The following APBA1 variants were observed in gnomAD, a reference collection of about 807,000 sequenced individuals.
APBA1 encodes amyloid beta precursor protein binding family A member 1, also known as amyloid-beta A4 precursor protein-binding family A member 1.
A neutral mutation model predicts 86.6 loss-of-function variants in APBA1; 55 were observed. The ratio of observed to expected loss-of-function variants is 0.64; its 90% CI spans 0.51 to 0.80. The LOEUF is 0.80. Among genes scored for constraint, APBA1 ranks in the 30% least tolerant of loss-of-function variants. The pLI is 0.00. For missense variants in APBA1, 1,090 were observed against 1,183.0 expected, an observed-to-expected ratio of 0.92 and a Z score of 1.15; for synonymous variants, 511 against 493.9, an observed-to-expected ratio of 1.03 and a Z score of -0.46.
chr9:69,594,558 T>C (rs1414043643), intron 1 of APBA1, among the ~76,000 whole-genome samples: 1 of 152,074 alleles, frequency 6.6e-6, no homozygotes, highest in Non-Finnish European at 1.5e-5. Context: ...TGGATGACAT[T>C]ATAGAGGAAG....
chr9:69,446,816 A>T (rs1406554549), intron 10 of APBA1, among the ~76,000 whole-genome samples: 1 of 152,144 alleles, frequency 6.6e-6, no homozygotes, highest in Non-Finnish European at 1.5e-5. Flanking sequence ...GGAGGAAAGG[A>T]GGTGACTCCA....
At chr9:69,583,134 G>A (rs570231236) in intron 1 of APBA1, among the ~76,000 whole-genome samples, 5 of 152,300 alleles carry the variant, frequency 3.3e-5, no homozygotes, top group Admixed American at 1.3e-4. Flanking sequence ...TGACCCCTGT[G>A]ATTTGGATTA....
intron 1 of APBA1, among the ~76,000 whole-genome samples, chr9:69,553,910 T>C (rs1303702687): frequency 2.0e-5 from 3 of 152,184 alleles, no homozygotes; most frequent in Non-Finnish European, 2.9e-5. Flanking sequence ...CTGAATCTTA[T>C]ATGGTCTTAT....
At chr9:69,528,539 G>A (rs1430245929) in intron 1 of APBA1, among the ~76,000 whole-genome samples, 1 of 152,070 alleles carries the variant, frequency 6.6e-6, no homozygotes, top group Non-Finnish European at 1.5e-5. Flanking sequence ...CTGAATTTTT[G>A]TGAAATGCCT....
chr9:69,576,437 C>T (rs938058102), intron 1 of APBA1, among the ~76,000 whole-genome samples: 1 of 152,170 alleles, frequency 6.6e-6, no homozygotes, highest in African/African-American at 2.4e-5. Flanking sequence ...TTCACAATAG[C>T]AAAGACTTGG....
chr9:69,642,998 TACACACACACCCCCGCCACAAAC>T (rs1034211119), intron 1 of APBA1, among the ~76,000 whole-genome samples: 10 of 150,534 alleles, frequency 6.6e-5, no homozygotes, highest in African/African-American at 1.5e-4. Flanking sequence ...TATATGTGTA[TACACACACACCCCCGCCACAAAC>T]ACACACACAC....
intron 1 of APBA1, among the ~76,000 whole-genome samples, chr9:69,659,015 A>G (rs1390845215): frequency 2.6e-5 from 4 of 151,966 alleles, no homozygotes; most frequent in Admixed American, 2.6e-4. Flanking sequence ...CCCTTACTTG[A>G]CTTCTTCCCC....
chr9:69,579,610 G>A (rs952231159), intron 1 of APBA1, among the ~76,000 whole-genome samples: 7 of 152,192 alleles, frequency 4.6e-5, no homozygotes, highest in African/African-American at 1.7e-4. Context: ...AGCTAGTAAT[G>A]GAAGGGGCTG....
rs187825078 is a variant in APBA1 at position 69,452,194 on chromosome 9, A to G, written c.1896T>C (p.Ser632=). The change falls in exon 9 of 13, where the codon AGT becomes AGC. Residue 632 remains serine, a synonymous_variant. Coordinates refer to ENST00000265381, the MANE Select transcript of APBA1 (RefSeq NM_001163.4). The part of the protein sequence containing the change: ...NPEDLSQKEY[S]DLLNTQDMYN... ...ACATGTCCTGGGTATTGAGCAGGTC[A>G]CTATACTCCTTCTGGCTGAGATCTT... 6.2e-7 allele frequency: 1 copy of G among 1,614,226 alleles called. No individual in the cohort carries two copies. Among genetic ancestry groups the G allele is most frequent in the East Asian group, 2.2e-5 (1 of 44,886 alleles).
At chr9:69,575,765 C>T (rs1419620784) in intron 1 of APBA1, among the ~76,000 whole-genome samples, 1 of 152,142 alleles carries the variant, frequency 6.6e-6, no homozygotes, top group East Asian at 1.9e-4. Flanking sequence ...TAGAGGAAAA[C>T]CTAGGCAATA....
intron 1 of APBA1, among the ~76,000 whole-genome samples, chr9:69,537,569 C>T (rs905782531): frequency 2.6e-5 from 4 of 151,994 alleles, no homozygotes; most frequent in African/African-American, 4.8e-5. Flanking sequence ...GAAGGAGGGT[C>T]GGGGAGAGAA....
chr9:69,456,807 T>C (rs1835105885), intron 7 of APBA1, among the ~76,000 whole-genome samples: 1 of 152,200 alleles, frequency 6.6e-6, no homozygotes, highest in Admixed American at 6.5e-5. Context: ...CATTAATGAA[T>C]TCTCTGATTA....
At chr9:69,435,040 G>A (rs1164805709) in intron 11 of APBA1, among the ~76,000 whole-genome samples, 4 of 146,672 alleles carry the variant, frequency 2.7e-5, no homozygotes, top group African/African-American at 1.0e-4. Context: ...GTGAGAACAT[G>A]CAGTGTTGGT....
intron 9 of APBA1, among the ~76,000 whole-genome samples, chr9:69,450,066 T>G (rs934254512): frequency 4.7e-5 from 7 of 149,264 alleles, no homozygotes; most frequent in East Asian, 2.0e-4. Flanking sequence ...GTTTTTTTTT[T>G]TTTTTTTTTT....
chr9:69,505,287 T>C lies in APBA1; in HGVS notation c.1200+10724A>G, dbSNP rs544090782. 5.9e-5 allele frequency among the ~76,000 whole-genome samples: 9 copies of C among 152,190 alleles called. 1 individual carries two copies. The South Asian group carries it at 1.9e-3, about 32-fold the overall frequency. On this transcript the variant is annotated intron_variant, in intron 2 of 12. Coordinates refer to ENST00000265381, the MANE Select transcript of APBA1 (RefSeq NM_001163.4). ...ATAAGGCTTTGGGGTTTATTTCCAC[T>C]GGGGAAGAAAGCATTGTCTTAGCTG...
At chr9:69,524,805 C>A (rs553304554) in intron 1 of APBA1, among the ~76,000 whole-genome samples, 1 of 152,268 alleles carries the variant, frequency 6.6e-6, no homozygotes, top group African/African-American at 2.4e-5. Context: ...AGACCAATAT[C>A]CTTGACAAAC....
chr9:69,442,407 C>T (rs1193348046), intron 10 of APBA1, among the ~76,000 whole-genome samples: 3 of 152,096 alleles, frequency 2.0e-5, no homozygotes, highest in African/African-American at 7.2e-5. Context: ...TCTATAAGGC[C>T]AGCTGCCTGG....
Position 69,657,700 on chromosome 9 carries a change from T to C in APBA1, c.-70+14453A>G, listed in dbSNP as rs539819419. 2.0e-5 allele frequency among the ~76,000 whole-genome samples: 3 copies of C among 152,256 alleles called. No homozygotes were observed. In the South Asian group the frequency reaches 6.2e-4, roughly 31 times the overall value. ...AGGAATATACTTACATATATATGCATATGTGTGTATACATATATATTTAAA... is the reference window on the plus strand; with the variant it reads ...AGGAATATACTTACATATATATGCACATGTGTGTATACATATATATTTAAA... On this transcript the variant is annotated intron_variant, in intron 1 of 12. Coordinates refer to ENST00000265381, the MANE Select transcript of APBA1 (RefSeq NM_001163.4).
At chr9:69,548,936 G>A (rs1205007629) in intron 1 of APBA1, among the ~76,000 whole-genome samples, 4 of 152,238 alleles carry the variant, frequency 2.6e-5, no homozygotes, top group Non-Finnish European at 4.4e-5. Context: ...TGAGGCAGCA[G>A]GACAGCTGAA....
Sources: allele counts gnomAD v4.1 joint callset (sites outside exome capture counted in the v4.1 genomes callset), GRCh38; gene constraint gnomAD v4.1.1; transcripts MANE v1.5; gene names NCBI Gene and HGNC (gene_info 2026-07-23, HGNC 2026-07-21).